TRIM37: variants seen among roughly 807,000 people sequenced by gnomAD.
TRIM37 encodes E3 ubiquitin-protein ligase TRIM37.
Under a neutral mutation model 129.8 loss-of-function variants are expected in TRIM37, and 80 were observed. That is an observed-to-expected ratio of 0.62 (90% CI 0.51 to 0.74). TRIM37 has a LOEUF of 0.74. Ranked by LOEUF, TRIM37 falls within the 30% of genes least tolerant of loss-of-function variation. The probability of loss-of-function intolerance (pLI) is 0.00; values close to 1 mark genes in which losing one functional copy is unlikely to be tolerated. For synonymous variants in TRIM37, 389 were observed against 387.1 expected (o/e 1.00, Z -0.06); for missense variants, 1,054 against 1,176.5 (o/e 0.90, Z 1.52).
intron 5 of TRIM37, among the ~76,000 whole-genome samples, chr17:59,081,964 A>AAAAAAAAAAAAAAAAAAAAATAAT (rs1568200247): frequency 1.1e-5 from 1 of 87,222 alleles, no homozygotes; most frequent in Non-Finnish European, 2.2e-5. Flanking sequence ...AAAAAAAAAA[A>AAAAAAAAAAAAAAAAAAAAATAAT]AATAATAATA....
At chr17:58,993,439 C>T (rs576740799), downstream of TRIM37, among the ~76,000 whole-genome samples, 3 of 152,342 alleles carry the variant, frequency 2.0e-5, no homozygotes, top group South Asian at 6.2e-4. Flanking sequence ...TATATCCACA[C>T]AGTGGACTAC....
At chr17:58,979,612 T>C (rs1404120826), downstream of TRIM37, among the ~76,000 whole-genome samples, 1 of 152,206 alleles carries the variant, frequency 6.6e-6, no homozygotes, top group Non-Finnish European at 1.5e-5. Flanking sequence ...ATCTACTGAA[T>C]CAACCATGTC....
intron 10 of TRIM37, 96 bp from the exon 11 acceptor site, chr17:59,062,744 C>T (rs2146531768): frequency 1.1e-6 from 1 of 951,880 alleles, no homozygotes; most frequent in East Asian, 2.5e-5. Context: ...TTGTTACATA[C>T]TTGAAATCCT....
chr17:59,078,819 G>A (rs1158044343), intron 7 of TRIM37, among the ~76,000 whole-genome samples: 1 of 152,004 alleles, frequency 6.6e-6, no homozygotes, highest in Admixed American at 6.6e-5. Flanking sequence ...CTAACTACTA[G>A]AAGAATGATT....
At chr17:58,983,341 CT>C (rs146920323) in intron 24 of TRIM37, 7,654 of 158,510 alleles carry the variant, frequency 0.048, 268 homozygotes, top group Non-Finnish European at 0.068. Context: ...AAGGTAAATC[CT>C]TTAAAATTCT....
At chr17:58,984,676 A>C (rs2031631385) in intron 24 of TRIM37, 1 of 152,656 alleles carries the variant, frequency 6.6e-6, no homozygotes, top group African/African-American at 2.4e-5. Context: ...GTCTCTTGCA[A>C]AACAAAGTAA....
intron 2 of TRIM37, among the ~76,000 whole-genome samples, chr17:59,100,391 A>G (rs1489220821): frequency 6.6e-6 from 1 of 152,224 alleles, no homozygotes; most frequent in Non-Finnish European, 1.5e-5. Context: ...TGGTAAATAC[A>G]TACAATGGAA....
At chr17:59,080,978 T>C (rs910997459) in intron 6 of TRIM37, 119 bp downstream of exon 6, 12 of 516,820 alleles carry the variant, frequency 2.3e-5, no homozygotes, top group Non-Finnish European at 3.0e-5. Context: ...GTACAGCCTA[T>C]CAAATTTGCA....
intron 3 of TRIM37, among the ~76,000 whole-genome samples, chr17:59,089,180 G>T (rs567582433): frequency 6.6e-6 from 1 of 152,192 alleles, no homozygotes; most frequent in Non-Finnish European, 1.5e-5. Context: ...CATGAGCCAG[G>T]GAGATTGAGG....
At chr17:59,001,476 G>A in intron 23 of TRIM37, 122 bp downstream of exon 23, 3 of 1,036,728 alleles carry the variant, frequency 2.9e-6, no homozygotes, top group South Asian at 2.9e-5. Flanking sequence ...AAAAGAAGTA[G>A]AAGCAGAAGA....
At chr17:59,034,117 AAAG>A (rs986136098) in intron 17 of TRIM37, among the ~76,000 whole-genome samples, 2 of 151,934 alleles carry the variant, frequency 1.3e-5, no homozygotes, top group African/African-American at 4.8e-5. Flanking sequence ...AAAAAAAAAA[AAAG>A]GATACGGAGG....
At chr17:59,061,749 T>C (rs1210778864) in intron 11 of TRIM37, among the ~76,000 whole-genome samples, 3 of 152,140 alleles carry the variant, frequency 2.0e-5, no homozygotes, top group African/African-American at 7.2e-5. Flanking sequence ...TATAACTACT[T>C]GTTTAAACAT....
chr17:59,074,996 G>A (rs933419754), intron 8 of TRIM37, among the ~76,000 whole-genome samples: 3 of 152,032 alleles, frequency 2.0e-5, no homozygotes, highest in East Asian at 1.9e-4. Context: ...AGTAATAATC[G>A]CTACATGTAA....
intron 19 of TRIM37, among the ~76,000 whole-genome samples, chr17:59,018,338 A>C (rs2036196155): frequency 6.6e-6 from 1 of 152,192 alleles, no homozygotes; most frequent in Non-Finnish European, 1.5e-5. Context: ...CATTTTAAAA[A>C]AAGAATAAAA....
chr17:59,096,818 T>C (rs1162548498), intron 2 of TRIM37, among the ~76,000 whole-genome samples: 1 of 152,194 alleles, frequency 6.6e-6, no homozygotes, highest in East Asian at 1.9e-4. Flanking sequence ...AAAATTTTAA[T>C]GTATATGTGG....
intron 19 of TRIM37, among the ~76,000 whole-genome samples, chr17:59,024,214 CAAAAAAAAA>C (rs1237722939): frequency 2.2e-3 from 167 of 74,978 alleles, no homozygotes; most frequent in Non-Finnish European, 3.1e-3. Context: ...AATTCCGTAT[CAAAAAAAAA>C]AAAAAAAAAA....
intron 2 of TRIM37, among the ~76,000 whole-genome samples, chr17:59,093,446 C>T (rs2044576311): frequency 6.6e-6 from 1 of 152,174 alleles, no homozygotes; most frequent in African/African-American, 2.4e-5. Context: ...ATCTGGGTTA[C>T]TCCTACTCAT....
Position 58,999,050 on chromosome 17 carries a change from A to T in TRIM37, c.*327T>A, listed in dbSNP as rs1337268852. ...GTTACTGACGGCATGCAGGGCCTGG[A>T]GGTACATTTTCTGGCAGTTAACCAG... is the stretch of plus-strand genomic sequence containing the variant. On this transcript the variant is annotated 3_prime_UTR_variant, in exon 24 of 24. Coordinates refer to ENST00000262294, the MANE Select transcript of TRIM37 (RefSeq NM_015294.6). 2 of 1,167,782 alleles carry T rather than the reference A, an allele frequency of 1.7e-6. No individual in the cohort carries two copies. Among genetic ancestry groups the T allele is most frequent in the Admixed American group, 4.4e-5 (1 of 22,904 alleles). 72.3% of individuals were successfully genotyped at this position (1,167,782 alleles called of 1,614,324 possible). A position where few individuals can be genotyped will look rare whatever the true frequency, so the allele number is the denominator to read the frequency against.
chr17:59,032,494 C>T (rs1302377055), intron 17 of TRIM37, among the ~76,000 whole-genome samples: 1 of 142,436 alleles, frequency 7.0e-6, no homozygotes, highest in Admixed American at 7.5e-5. Context: ...CACTGCAGTC[C>T]GCAGTCCGGC....
Sources: gnomAD v4.1 joint callset for allele counts (sites outside exome capture counted in the v4.1 genomes callset) on GRCh38, gnomAD v4.1.1 for gene constraint, MANE v1.5 for transcripts, NCBI Gene and HGNC (gene_info 2026-07-23, HGNC 2026-07-21) for gene names.